IL13RA1: variants seen among roughly 807,000 people sequenced by gnomAD.
The protein encoded by IL13RA1 is interleukin 13 receptor subunit alpha 1, also known as interleukin-13 receptor subunit alpha-1.
A neutral mutation model predicts 33.8 loss-of-function variants in IL13RA1; 14 were observed. The ratio of observed to expected loss-of-function variants is 0.41; its 90% confidence interval spans 0.27 to 0.65. The LOEUF (loss-of-function observed/expected upper bound fraction) is 0.65. Among genes scored for constraint, IL13RA1 ranks in the 30% least tolerant of loss-of-function variants. The pLI, the probability that IL13RA1 is intolerant of heterozygous loss-of-function variation, is 0.28. For synonymous variants in IL13RA1, 116 were observed against 115.7 expected, an observed-to-expected ratio of 1.00 and a Z score of -0.02; for missense variants, 313 against 327.0, an observed-to-expected ratio of 0.96 and a Z score of 0.33.
Position 118,727,725 on chromosome X carries a change from G to A in IL13RA1, c.87G>A (p.Thr29=), listed in dbSNP as rs1257054958. 1.2e-6 allele frequency: 1 copy of A among 852,712 alleles called. No homozygotes were observed. Among genetic ancestry groups the A allele is most frequent in the South Asian group, 6.5e-5 (1 of 15,500 alleles). The allele number at this position is 852,712 out of a possible 1,213,427, so 70.3% of individuals were successfully genotyped here. The change falls in exon 1 of 11, where the codon ACG becomes ACA. Residue 29 remains threonine (T), a splice_region_variant and synonymous_variant. Coordinates refer to ENST00000371666, the MANE Select transcript of IL13RA1 (RefSeq NM_001560.3). ...GGGGGGGAAP[T]ETQPPVTNLS... is the part of the protein sequence containing the mutation. ...GCGGGGGCGGGGGCGCCGCGCCTAC[G>A]GGTGAGTGCGACCCTCGGGGCCCGA... is the stretch of plus-strand genomic sequence containing the variant.
intron 4 of IL13RA1, among the ~76,000 whole-genome samples, chrX:118,752,478 A>G (rs1217068986): frequency 8.9e-6 from 1 of 111,735 alleles, no homozygotes; most frequent in Non-Finnish European, 1.9e-5. Flanking sequence ...CTTTATCCTT[A>G]TTTCAGCCCA....
chrX:118,796,973 G>C (rs1369979531), downstream of IL13RA1, among the ~76,000 whole-genome samples: 1 of 112,497 alleles, frequency 8.9e-6, no homozygotes, highest in African/African-American at 3.2e-5. Context: ...ACTTTGTATA[G>C]GGGAAAGAAA....
chrX:118,798,354 C>A (rs2018043643), downstream of IL13RA1, among the ~76,000 whole-genome samples: 1 of 110,880 alleles, frequency 9.0e-6, no homozygotes, highest in South Asian at 3.8e-4. Context: ...TGAGTTCAAT[C>A]CCAAACTTTT....
chrX:118,772,906 T>A (rs1316997089), intron 8 of IL13RA1, among the ~76,000 whole-genome samples: 1 of 112,684 alleles, frequency 8.9e-6, no homozygotes, highest in Non-Finnish European at 1.9e-5. Flanking sequence ...AACTATGATT[T>A]AAGAGATTCT....
intron 10 of IL13RA1, among the ~76,000 whole-genome samples, chrX:118,783,233 A>G (rs2017865463): frequency 8.9e-6 from 1 of 111,918 alleles, no homozygotes; most frequent in Non-Finnish European, 1.9e-5. Flanking sequence ...ATAATTACCA[A>G]CTAAAAGCCA....
intron 4 of IL13RA1, among the ~76,000 whole-genome samples, chrX:118,755,073 T>A (rs1360282864): frequency 2.8e-5 from 3 of 106,450 alleles, no homozygotes; most frequent in Non-Finnish European, 5.8e-5. Context: ...CTCAACCTCC[T>A]GAGTAGCTGG....
chrX:118,772,256 T>C (rs985043511), intron 8 of IL13RA1, among the ~76,000 whole-genome samples: 1 of 112,802 alleles, frequency 8.9e-6, no homozygotes, highest in Non-Finnish European at 1.9e-5. Flanking sequence ...TCATTTAATC[T>C]GTGTGTGTGG....
chrX:118,735,723 T>A (rs994841971), intron 1 of IL13RA1, among the ~76,000 whole-genome samples: 2 of 111,843 alleles, frequency 1.8e-5, no homozygotes, highest in Admixed American at 1.9e-4. Flanking sequence ...AATTTTTGTA[T>A]TTTTAGTAGA....
At chrX:118,741,202 T>A in intron 2 of IL13RA1, 46 bp downstream of exon 2, 1 of 876,579 alleles carries the variant, frequency 1.1e-6, no homozygotes, top group Non-Finnish European at 1.7e-6. Context: ...AAGTGAACAC[T>A]ATGAATTGGA....
chrX:118,778,986 C>A (rs1179315211), intron 10 of IL13RA1, among the ~76,000 whole-genome samples: 1 of 112,128 alleles, frequency 8.9e-6, no homozygotes, highest in Non-Finnish European at 1.9e-5. Flanking sequence ...TACTAGGCTG[C>A]ATTGCCTCTT....
intron 10 of IL13RA1, among the ~76,000 whole-genome samples, chrX:118,788,392 G>A (rs2017942687): frequency 1.8e-5 from 2 of 111,861 alleles, no homozygotes; most frequent in Admixed American, 9.5e-5. Flanking sequence ...AATGGTTTTT[G>A]TGCTTCTAAA....
intron 6 of IL13RA1, among the ~76,000 whole-genome samples, chrX:118,766,195 C>T (rs943403568): frequency 7.2e-5 from 8 of 111,798 alleles, no homozygotes; most frequent in Non-Finnish European, 1.3e-4. Flanking sequence ...TATTTCCCTT[C>T]TTCAAGGTCA....
At chrX:118,775,161 C>T (rs996415929) in intron 9 of IL13RA1, among the ~76,000 whole-genome samples, 1 of 111,316 alleles carries the variant, frequency 9.0e-6, no homozygotes, top group Non-Finnish European at 1.9e-5. Context: ...AGGAGAGACT[C>T]CCAGTAATGT....
rs192335829 is a variant in IL13RA1, at chrX:118,748,046, C to A, written c.367+954C>A. Reference sequence around the variant, plus strand: ...GTGTGTGTGTGTGTGTGTACACACACAAAAAACATATATATATAACACATA... The same window carrying A: ...GTGTGTGTGTGTGTGTGTACACACAAAAAAAACATATATATATAACACATA... On this transcript the variant is annotated intron_variant, in intron 3 of 10. Coordinates refer to ENST00000371666, the MANE Select transcript of IL13RA1 (RefSeq NM_001560.3). Among the ~76,000 whole-genome samples, 896 of 92,382 alleles carry A rather than the reference C, an allele frequency of 9.7e-3. 13 individuals carry two copies. Among genetic ancestry groups the A allele is most frequent in the East Asian group, 0.061 (192 of 3,134 alleles). The allele number at this position is 92,382 out of a possible 115,157, so 80.2% of individuals were successfully genotyped here.
intron 10 of IL13RA1, among the ~76,000 whole-genome samples, chrX:118,785,160 C>T (rs1217150396): frequency 9.0e-6 from 1 of 111,033 alleles, no homozygotes; most frequent in Non-Finnish European, 1.9e-5. Flanking sequence ...TATGGTGGCA[C>T]CATGATAGCT....
chrX:118,748,588 G>A (rs139869419), intron 3 of IL13RA1, among the ~76,000 whole-genome samples: 338 of 110,171 alleles, frequency 3.1e-3, no homozygotes, highest in African/African-American at 0.011. Flanking sequence ...AGAGGTTGCA[G>A]TGAGCCAAGA....
In IL13RA1 at chrX:118,793,475, T is replaced by C. The variant is rs1459133940; in HGVS notation, c.*1621T>C. The C allele has an allele frequency of 8.9e-6, 1 of 111,869 alleles. No individual in the cohort carries two copies. The highest frequency in any genetic ancestry group is 1.9e-5 in the Non-Finnish European group (1 of 53,209). 9.2% of individuals were successfully genotyped at this position (111,869 alleles called of 1,213,427 possible). On this transcript the variant is annotated 3_prime_UTR_variant, in exon 11 of 11. Coordinates refer to ENST00000371666, the MANE Select transcript of IL13RA1 (RefSeq NM_001560.3). ...TGGTAGCCAGCCAGCCAAGGCTCTGTTTATGCTTTTGGGGGGCATATATTG... is the reference window on the plus strand; with the variant it reads ...TGGTAGCCAGCCAGCCAAGGCTCTGCTTATGCTTTTGGGGGGCATATATTG...
At chrX:118,787,858 T>C (rs2017936268) in intron 10 of IL13RA1, among the ~76,000 whole-genome samples, 1 of 112,174 alleles carries the variant, frequency 8.9e-6, no homozygotes. Context: ...CTTTTCTTTT[T>C]TCAAGGTGCC....
chrX:118,729,374 G>T (rs1417713220), intron 1 of IL13RA1, among the ~76,000 whole-genome samples: 3 of 112,270 alleles, frequency 2.7e-5, no homozygotes, highest in Non-Finnish European at 5.6e-5. Context: ...TGATAGAATT[G>T]CATTGAGGTA....
Sources: allele counts gnomAD v4.1 joint callset (sites outside exome capture counted in the v4.1 genomes callset), GRCh38; gene constraint gnomAD v4.1.1; transcripts MANE v1.5; gene names NCBI Gene and HGNC (gene_info 2026-07-23, HGNC 2026-07-21).